ADAMTS6: variants seen among roughly 807,000 people sequenced by gnomAD.
ADAMTS6 encodes the protein A disintegrin and metalloproteinase with thrombospondin motifs 6.
A neutral mutation model predicts 144.3 loss-of-function variants in ADAMTS6; 23 were observed. That is an observed-to-expected ratio of 0.16 (90% CI 0.11 to 0.23). The LOEUF is 0.23. Among genes scored for constraint, ADAMTS6 ranks in the 10% least tolerant of loss-of-function variants. ADAMTS6 has a pLI of 1.00. For missense variants in ADAMTS6, 999 were observed against 1,379.6 expected (o/e 0.72, Z 4.37); for synonymous variants, 444 against 457.5 (o/e 0.97, Z 0.38).
intron 22 of ADAMTS6, among the ~76,000 whole-genome samples, chr5:65,184,447 G>A (rs1442781084): frequency 2.0e-5 from 3 of 152,220 alleles, no homozygotes; most frequent in African/African-American, 2.4e-5. Flanking sequence ...CCCATCTTCC[G>A]TAAGTAATGC....
At chr5:65,381,470 C>T (rs1752033452) in intron 7 of ADAMTS6, among the ~76,000 whole-genome samples, 1 of 149,794 alleles carries the variant, frequency 6.7e-6, no homozygotes, top group Non-Finnish European at 1.5e-5. Context: ...TCAAGCGATT[C>T]TCCTGTCTCA....
chr5:65,390,178 A>T (rs187132259), intron 7 of ADAMTS6, among the ~76,000 whole-genome samples: 29 of 152,318 alleles, frequency 1.9e-4, no homozygotes, highest in Admixed American at 3.9e-4. Context: ...TCATAAAAAT[A>T]TGACAAATTT....
chr5:65,151,773 C>T lies in ADAMTS6; in HGVS notation c.*63G>A. On this transcript the variant is annotated 3_prime_UTR_variant, in exon 25 of 25. Coordinates refer to ENST00000381055, the MANE Select transcript of ADAMTS6 (RefSeq NM_197941.4). ...ACATCAATCCTCTTCCTCTGGGTGG[C>T]TCTCTTTGATGGATGCATTTCCATG... is the stretch of plus-strand genomic sequence containing the variant. 1 of 1,424,496 alleles carries T rather than the reference C, an allele frequency of 7.0e-7. No individual in the cohort carries two copies. Among genetic ancestry groups the T allele is most frequent in the Non-Finnish European group, 9.9e-7 (1 of 1,014,462 alleles). 88.2% of individuals were successfully genotyped at this position (1,424,496 alleles called of 1,614,324 possible).
In ADAMTS6 at chr5:65,262,805, T is replaced by C. The variant is rs751617302; in HGVS notation, c.1766+12A>G. The C allele has an allele frequency of 3.4e-6, 5 of 1,492,438 alleles. No individual in the cohort carries two copies. Among genetic ancestry groups the C allele is most frequent in the Non-Finnish European group, 4.4e-6 (5 of 1,125,018 alleles). 92.4% of individuals were successfully genotyped at this position (1,492,438 alleles called of 1,614,324 possible). A position where few individuals can be genotyped will look rare whatever the true frequency, so the allele number is the denominator to read the frequency against. On this transcript the variant is annotated intron_variant, in intron 13 of 24. Coordinates refer to ENST00000381055, the MANE Select transcript of ADAMTS6 (RefSeq NM_197941.4). Reference sequence around the variant, plus strand: ...GTCTTTTTGTTGGCTCCGGCTTACTTTAGCTACTTACGCTGGACTGTCACA... The same window carrying C: ...GTCTTTTTGTTGGCTCCGGCTTACTCTAGCTACTTACGCTGGACTGTCACA...
At chr5:65,182,138 G>C (rs1754393411) in intron 22 of ADAMTS6, among the ~76,000 whole-genome samples, 1 of 152,036 alleles carries the variant, frequency 6.6e-6, no homozygotes, top group African/African-American at 2.4e-5. Context: ...AACCAAACCA[G>C]ATATGACTGA....
chr5:65,377,326 T>C (rs1291114415), intron 7 of ADAMTS6, among the ~76,000 whole-genome samples: 1 of 152,210 alleles, frequency 6.6e-6, no homozygotes, highest in Non-Finnish European at 1.5e-5. Context: ...ATTCTTCCCA[T>C]TTCCACATGG....
chr5:65,374,895 C>T (rs999505845), intron 7 of ADAMTS6, among the ~76,000 whole-genome samples: 14 of 152,146 alleles, frequency 9.2e-5, no homozygotes, highest in Non-Finnish European at 1.9e-4. Flanking sequence ...CAGCATGGCA[C>T]TGGTACCAAA....
chr5:65,291,218 A>T, intron 11 of ADAMTS6, 111 bp downstream of exon 11: 2 of 1,294,580 alleles, frequency 1.5e-6, no homozygotes, highest in Non-Finnish European at 2.1e-6. Context: ...AGCCATATTT[A>T]AATTAAAGAT....
chr5:65,444,437 TC>T (rs1758110285), intron 7 of ADAMTS6, among the ~76,000 whole-genome samples: 1 of 152,104 alleles, frequency 6.6e-6, no homozygotes, highest in Non-Finnish European at 1.5e-5. Context: ...CATATAAATA[TC>T]TATTGCATTT....
Position 65,224,392 on chromosome 5 carries a change from C to T in ADAMTS6, c.2200G>A (p.Glu734Lys). The T allele has an allele frequency of 6.2e-7, 1 of 1,614,084 alleles. No homozygotes were observed. Among genetic ancestry groups the T allele is most frequent in the Non-Finnish European group, 8.5e-7 (1 of 1,179,978 alleles). Residue 734 changes from glutamate to lysine, a missense_variant, in exon 18 of 25, where the codon GAA becomes AAA. Physicochemically the swap from Glu to Lys is moderately conservative, Grantham distance 56. This residue lies in a region of ADAMTS6 where 619 missense variants were observed against 837.0 expected (regional missense o/e 0.74). Transcript: ENST00000381055. The part of the protein sequence containing the change: ...NDSLPRGGYM[E>K]VVQIPRGSVH... ...GAGCCTCTTGGTATCTGCACCACTT[C>T]CATGTAGCCTGGAACACAGAAGATA... is the stretch of plus-strand genomic sequence containing the variant.
chr5:65,279,244 C>T (rs1460900523), intron 11 of ADAMTS6, among the ~76,000 whole-genome samples: 2 of 152,078 alleles, frequency 1.3e-5, no homozygotes, highest in Non-Finnish European at 2.9e-5. Context: ...CGTACCCGAC[C>T]TTTGTAGTCT....
At chr5:65,162,842 C>T (rs1752868485) in intron 24 of ADAMTS6, among the ~76,000 whole-genome samples, 1 of 152,142 alleles carries the variant, frequency 6.6e-6, no homozygotes, top group African/African-American at 2.4e-5. Context: ...TGATCTATTG[C>T]TAACTTACAA....
At chr5:65,161,817 T>C (rs73103478) in intron 24 of ADAMTS6, among the ~76,000 whole-genome samples, 4,244 of 152,338 alleles carry the variant, frequency 0.028, 193 homozygotes, top group African/African-American at 0.098. Flanking sequence ...GACAGATGTA[T>C]CATTTGTACT....
intron 7 of ADAMTS6, among the ~76,000 whole-genome samples, chr5:65,418,570 G>GT (rs937242144): frequency 2.0e-5 from 3 of 151,766 alleles, no homozygotes; most frequent in African/African-American, 4.8e-5. Context: ...AATTGTCTGG[G>GT]TTTTTTTTAA....
chr5:65,291,872 TCCTTAAAGA>T (rs1561386203), intron 10 of ADAMTS6, among the ~76,000 whole-genome samples: 1 of 152,134 alleles, frequency 6.6e-6, no homozygotes, highest in Non-Finnish European at 1.5e-5. Flanking sequence ...ATGGTTATAA[TCCTTAAAGA>T]CCTAATTTAT....
chr5:65,418,991 A>T (rs748910607), intron 7 of ADAMTS6, among the ~76,000 whole-genome samples: 1 of 152,132 alleles, frequency 6.6e-6, no homozygotes, highest in Non-Finnish European at 1.5e-5. Context: ...CAGTTCGGAG[A>T]TTTTTCAAAG....
At chr5:65,270,255 T>C (rs1761950031) in intron 12 of ADAMTS6, among the ~76,000 whole-genome samples, 1 of 152,212 alleles carries the variant, frequency 6.6e-6, no homozygotes, top group Non-Finnish European at 1.5e-5. Flanking sequence ...TGTTTTGCTC[T>C]GGGTCAAAAT....
At chr5:65,363,249 T>C (rs7729401) in intron 7 of ADAMTS6, among the ~76,000 whole-genome samples, 18,301 of 152,180 alleles carry the variant, frequency 0.12, 1,230 homozygotes, top group African/African-American at 0.18. Context: ...ATGTTACTGA[T>C]ACAATTTCAA....
chr5:65,182,776 A>C (rs1390186311), intron 22 of ADAMTS6, among the ~76,000 whole-genome samples: 1 of 152,190 alleles, frequency 6.6e-6, no homozygotes, highest in Non-Finnish European at 1.5e-5. Context: ...GAAAAATTAC[A>C]CCTCAAAATT....
Sources: allele counts gnomAD v4.1 joint callset (sites outside exome capture counted in the v4.1 genomes callset), GRCh38; gene constraint gnomAD v4.1.1; regional missense constraint gnomAD v4.1.1; transcripts MANE v1.5; gene names NCBI Gene and HGNC (gene_info 2026-07-23, HGNC 2026-07-21).